Variants in DIXDC1 observed in about 807,000 individuals in gnomAD.
DIXDC1 encodes DIX domain containing 1.
In DIXDC1, 64 loss-of-function variants were observed where a neutral mutation model predicts 103.1. The observed-to-expected ratio is 0.62, with a 90% CI of 0.51 to 0.76. The LOEUF is 0.76. Among genes scored for constraint, DIXDC1 ranks in the 30% least tolerant of loss-of-function variants. The pLI, the probability that DIXDC1 is intolerant of heterozygous loss-of-function variation, is 0.00. For missense variants in DIXDC1, 759 were observed against 834.2 expected, an observed-to-expected ratio of 0.91 and a Z score of 1.11; for synonymous variants, 266 against 298.5, an observed-to-expected ratio of 0.89 and a Z score of 1.12.
chr11:111,932,027 C>CTTTTTTT (rs59805759), intron 2 of DIXDC1, among the ~76,000 whole-genome samples: 1 of 99,136 alleles, frequency 1.0e-5, no homozygotes, highest in Non-Finnish European at 1.9e-5. Context: ...GGCAGATAAC[C>CTTTTTTT]TTTTTTTTTT....
intron 10 of DIXDC1, among the ~76,000 whole-genome samples, 166 bp from the exon 11 acceptor site, chr11:111,992,249 C>T (rs1474554559): frequency 6.6e-6 from 1 of 152,102 alleles, no homozygotes; most frequent in African/African-American, 2.4e-5. Context: ...TAGAGGGGGA[C>T]AGAAAAACCC....
chr11:111,975,836 C>T, intron 5 of DIXDC1: 1 of 985,050 alleles, frequency 1.0e-6, no homozygotes, highest in African/African-American at 1.7e-5. Flanking sequence ...TTTTAATGCA[C>T]ATTTCCTAAT....
At chr11:111,985,400 G>A in intron 8 of DIXDC1, 79 bp downstream of exon 8, 1 of 1,143,744 alleles carries the variant, frequency 8.7e-7, no homozygotes, top group African/African-American at 1.6e-5. Context: ...TGCTGTTCAT[G>A]CCTTCTTGAA....
Position 112,017,648 on chromosome 11 carries a change from G to C in DIXDC1, c.1863-129G>C. The C allele has an allele frequency of 4.8e-6, 3 of 627,008 alleles. No homozygotes were observed. The South Asian group carries it at 6.4e-5, about 13-fold the overall frequency. 38.8% of individuals were successfully genotyped at this position (627,008 alleles called of 1,614,324 possible). ...TGCTGTTTTAGTCATCTGGGTTATC[G>C]GGGCAGTGACCTAACAAGGGGCTAT... On this transcript the variant is annotated intron_variant, in intron 18 of 19. Coordinates refer to ENST00000440460, the MANE Select transcript of DIXDC1 (RefSeq NM_001037954.4). This position sits in a 1 kb window ranked among gnomAD's most constrained non-coding sequence, Gnocchi z 4.0.
Position 112,002,873 on chromosome 11 carries a change from T to A in DIXDC1, c.1756+6727T>A, listed in dbSNP as rs189019179. On this transcript the variant is annotated intron_variant, in intron 17 of 19. Coordinates refer to ENST00000440460, the MANE Select transcript of DIXDC1 (RefSeq NM_001037954.4). The stretch of plus-strand genomic sequence containing the variant: ...ACAGATGAGTGGGTATAGAAAAAAA[T>A]ATATATATGCAAAGGAATATTATTA... Among the ~76,000 whole-genome samples, 1,496 of 152,166 alleles carry A rather than the reference T, an allele frequency of 9.8e-3. 9 individuals are homozygous for A. The highest frequency in any genetic ancestry group is 0.015 in the Non-Finnish European group (1,053 of 68,000).
intron 2 of DIXDC1, among the ~76,000 whole-genome samples, chr11:111,968,098 C>A (rs191862155): frequency 6.6e-6 from 1 of 152,210 alleles, no homozygotes; most frequent in African/African-American, 2.4e-5. Context: ...AAGCACTTAT[C>A]GCTACTATGA....
intron 3 of DIXDC1, among the ~76,000 whole-genome samples, chr11:111,972,663 T>C (rs1859974348): frequency 6.6e-6 from 1 of 152,226 alleles, no homozygotes; most frequent in African/African-American, 2.4e-5. Flanking sequence ...TTCTGGGCTC[T>C]GCCTATGCTG....
Position 111,986,754 on chromosome 11 carries a change from C to G in DIXDC1, c.1009-117C>G, listed in dbSNP as rs1398647323. Reference sequence around the variant, plus strand: ...CAGAGAGCAGGAACTGTTTCCTGTTCTTTGTATCCACAGTACAGAGCTGGC... The same window carrying G: ...CAGAGAGCAGGAACTGTTTCCTGTTGTTTGTATCCACAGTACAGAGCTGGC... On this transcript the variant is annotated intron_variant, in intron 8 of 19. Transcript: ENST00000440460. The G allele has an allele frequency of 3.0e-5, 23 of 773,982 alleles. No individual in the cohort carries two copies. The African/African-American group carries it at 3.1e-4, about 11-fold the overall frequency. The allele number at this position is 773,982 out of a possible 1,614,324, so 47.9% of individuals were successfully genotyped here. A position where few individuals can be genotyped will look rare whatever the true frequency, so the allele number is the denominator to read the frequency against.
In DIXDC1 at chr11:111,977,200, C is replaced by A; in HGVS notation, c.656+2217C>A. The A allele has an allele frequency of 1.9e-5, 14 of 752,304 alleles. No individual in the cohort carries two copies. Among genetic ancestry groups the A allele is most frequent in the Non-Finnish European group, 2.1e-5 (13 of 617,316 alleles). The allele number at this position is 752,304 out of a possible 1,614,324, so 46.6% of individuals were successfully genotyped here. Reference sequence around the variant, plus strand: ...CCCCGCCCCTGGCCCGCACCCTCAACCTCCGTCCAGAGCGGTCGGTTGGCC... The same window carrying A: ...CCCCGCCCCTGGCCCGCACCCTCAAACTCCGTCCAGAGCGGTCGGTTGGCC... On this transcript the variant is annotated intron_variant, in intron 5 of 19. Coordinates refer to ENST00000440460, the MANE Select transcript of DIXDC1 (RefSeq NM_001037954.4). This position sits in a 1 kb window ranked among gnomAD's most constrained non-coding sequence, Gnocchi z 6.1.
rs1555177959 is a variant in DIXDC1 at position 112,017,919 on chromosome 11, T to C, written c.1971+34T>C. 4 of 1,546,330 alleles carry C rather than the reference T, an allele frequency of 2.6e-6. No homozygotes were observed. Among genetic ancestry groups the C allele is most frequent in the Non-Finnish European group, 3.5e-6 (4 of 1,133,208 alleles). On this transcript the variant is annotated intron_variant, in intron 19 of 19. Coordinates refer to ENST00000440460, the MANE Select transcript of DIXDC1 (RefSeq NM_001037954.4). The surrounding 1 kb of genome is among the most constrained non-coding windows in gnomAD (Gnocchi z 4.0). ...TCTGTGGGGAGTCTGTATGGTATTA[T>C]TGGTCCTTTCTGAACCCTGAAGCCT...
intron 7 of DIXDC1, 103 bp downstream of exon 7, chr11:111,982,590 C>G (rs587711481): frequency 7.9e-7 from 1 of 1,263,540 alleles, no homozygotes; most frequent in East Asian, 2.5e-5. Flanking sequence ...GAGGTCAGAA[C>G]TGAATGAGGA....
rs192778034 is a variant in DIXDC1, at chr11:112,017,149, A to G, written c.1862+353A>G. ...ATTGCAGCCTGGCACTCACTCCAGG[A>G]CTATGACTAATTGATCTTTGTTACT... is the stretch of plus-strand genomic sequence containing the variant. On this transcript the variant is annotated intron_variant, in intron 18 of 19. Transcript: ENST00000440460. The surrounding 1 kb of genome is among the most constrained non-coding windows in gnomAD (Gnocchi z 4.0). Among the ~76,000 whole-genome samples the G allele has an allele frequency of 8.0e-3, 1,211 of 152,022 alleles. 8 individuals are homozygous for G. Among genetic ancestry groups the G allele is most frequent in the Non-Finnish European group, 0.014 (921 of 67,994 alleles).
At chr11:111,995,702 TTC>T in intron 16 of DIXDC1, 138 bp downstream of exon 16, 1 of 1,129,550 alleles carries the variant, frequency 8.9e-7, no homozygotes, top group Non-Finnish European at 1.2e-6. Context: ...CTATTGTTTT[TTC>T]TCTCAGTGGA....
intron 5 of DIXDC1, among the ~76,000 whole-genome samples, chr11:111,979,898 G>A (rs1343474401): frequency 2.0e-5 from 3 of 152,186 alleles, no homozygotes; most frequent in African/African-American, 7.2e-5. Flanking sequence ...AGGCTGCCAT[G>A]AGTTATGATG....
intron 1 of DIXDC1, among the ~76,000 whole-genome samples, chr11:111,940,566 G>A (rs970034001): frequency 2.6e-5 from 4 of 152,122 alleles, no homozygotes; most frequent in African/African-American, 9.7e-5. Flanking sequence ...AAACAACTTT[G>A]GTGCTTGTGT....
At chr11:111,969,882 G>A (rs1555171906) in intron 3 of DIXDC1, among the ~76,000 whole-genome samples, 1 of 151,994 alleles carries the variant, frequency 6.6e-6, no homozygotes, top group East Asian at 1.9e-4. Flanking sequence ...TCAGGCAAGA[G>A]AAAGAAATAA....
intron 8 of DIXDC1, among the ~76,000 whole-genome samples, chr11:111,985,939 A>G (rs1471895290): frequency 1.3e-5 from 2 of 152,202 alleles, no homozygotes; most frequent in Non-Finnish European, 2.9e-5. Context: ...GGATACCAAA[A>G]TGCGCCAAAC....
intron 10 of DIXDC1, among the ~76,000 whole-genome samples, chr11:111,990,817 C>A (rs1239101695): frequency 6.6e-6 from 1 of 152,154 alleles, no homozygotes; most frequent in Non-Finnish European, 1.5e-5. Context: ...AGCAATTCTC[C>A]TGACTCAGCC....
chr11:111,993,877 C>A, intron 14 of DIXDC1, 137 bp downstream of exon 14: 1 of 964,812 alleles, frequency 1.0e-6, no homozygotes, highest in South Asian at 1.7e-5. Context: ...AGTGCAGGTT[C>A]CAGAATAAGA....
Sources: gnomAD v4.1 joint callset for allele counts (sites outside exome capture counted in the v4.1 genomes callset) on GRCh38, gnomAD v4.1.1 for gene constraint, Gnocchi (gnomAD v3.1) non-coding constraint, MANE v1.5 for transcripts, NCBI Gene and HGNC (gene_info 2026-07-23, HGNC 2026-07-21) for gene names.